DTNBP1: variants seen among roughly 807,000 people sequenced by gnomAD.
The protein encoded by DTNBP1 is dysbindin.
DTNBP1 carries 35 observed loss-of-function variants against 42.8 expected under a neutral mutation model. The ratio of observed to expected loss-of-function variants is 0.82; its 90% CI spans 0.63 to 1.09. The LOEUF (loss-of-function observed/expected upper bound fraction) is 1.09, where lower values mean the gene tolerates loss of function less well. Among genes scored for constraint, DTNBP1 ranks in the 50% least tolerant of loss-of-function variants. The pLI, the probability that DTNBP1 is intolerant of heterozygous loss-of-function variation, is 0.00. For missense variants in DTNBP1, 457 were observed against 424.2 expected (o/e 1.08, Z -0.68); for synonymous variants, 171 against 162.2 (o/e 1.05, Z -0.41).
chr6:15,630,312 C>T (rs2113748346), intron 4 of DTNBP1, among the ~76,000 whole-genome samples: 1 of 152,320 alleles, frequency 6.6e-6, no homozygotes, highest in East Asian at 1.9e-4. Flanking sequence ...GCCATGTTAT[C>T]TGCCCAAGGT....
intron 6 of DTNBP1, among the ~76,000 whole-genome samples, chr6:15,609,181 T>TA (rs1361457707): frequency 1.3e-5 from 2 of 151,730 alleles, no homozygotes; most frequent in Non-Finnish European, 2.9e-5. Flanking sequence ...TTTTTTTTTT[T>TA]AATACTTTTA....
intron 7 of DTNBP1, chr6:15,548,438 GACACACACACACACACACACACAC>G (rs3045754): frequency 7.3e-6 from 1 of 136,708 alleles, no homozygotes; most frequent in African/African-American, 2.8e-5. Flanking sequence ...AACACACACA[GACACACACACACACACACACACAC>G]ACACACACAC....
At chr6:15,617,539 C>T (rs909810432) in intron 5 of DTNBP1, among the ~76,000 whole-genome samples, 1 of 151,804 alleles carries the variant, frequency 6.6e-6, no homozygotes, top group Non-Finnish European at 1.5e-5. Flanking sequence ...TGGAACAGAA[C>T]AGAGAACCCA....
At chr6:15,637,881 T>C in intron 3 of DTNBP1, 77 bp from the exon 4 acceptor site, 1 of 1,423,820 alleles carries the variant, frequency 7.0e-7, no homozygotes, top group Admixed American at 1.7e-5. Context: ...GAATGTGGAA[T>C]ATCCTGTGGT....
intron 6 of DTNBP1, among the ~76,000 whole-genome samples, chr6:15,608,666 C>T (rs910209851): frequency 6.6e-5 from 10 of 152,226 alleles, no homozygotes; most frequent in Admixed American, 2.0e-4. Context: ...AAAGTGTCCA[C>T]ATCCACCACA....
chr6:15,592,587 C>T (rs774565952), intron 7 of DTNBP1, among the ~76,000 whole-genome samples: 1 of 152,134 alleles, frequency 6.6e-6, no homozygotes, highest in Non-Finnish European at 1.5e-5. Context: ...TCTAATTTTA[C>T]AGATGGAGAG....
chr6:15,661,516 G>GGCGCC (rs767020485), intron 1 of DTNBP1, among the ~76,000 whole-genome samples: 14 of 151,924 alleles, frequency 9.2e-5, no homozygotes, highest in Admixed American at 2.6e-4. Flanking sequence ...AAATAAGCCG[G>GGCGCC]GCGCCTCTAG....
intron 3 of DTNBP1, among the ~76,000 whole-genome samples, chr6:15,642,258 C>A (rs1321484711): frequency 1.3e-5 from 2 of 152,292 alleles, no homozygotes; most frequent in South Asian, 4.1e-4. Flanking sequence ...ACCCGCAACC[C>A]GCAGCCAGGA....
chr6:15,579,233 T>C (rs949270283), intron 7 of DTNBP1, among the ~76,000 whole-genome samples: 2 of 152,184 alleles, frequency 1.3e-5, no homozygotes, highest in Admixed American at 1.3e-4. Flanking sequence ...AACAAAATCC[T>C]ATCATTTTCA....
chr6:15,605,990 G>C (rs916975978), intron 6 of DTNBP1, among the ~76,000 whole-genome samples: 1 of 152,180 alleles, frequency 6.6e-6, no homozygotes, highest in African/African-American at 2.4e-5. Context: ...GCAATTTATG[G>C]GTATTTTCCC....
At chr6:15,566,621 A>G (rs971355868) in intron 7 of DTNBP1, among the ~76,000 whole-genome samples, 5 of 151,890 alleles carry the variant, frequency 3.3e-5, no homozygotes, top group Non-Finnish European at 7.4e-5. Flanking sequence ...TTATCCCAAA[A>G]TATGTTTCTT....
At chr6:15,569,594 C>T (rs1775255457) in intron 7 of DTNBP1, among the ~76,000 whole-genome samples, 1 of 152,166 alleles carries the variant, frequency 6.6e-6, no homozygotes, top group Non-Finnish European at 1.5e-5. Flanking sequence ...GCCTTGGTGT[C>T]AGTGTAGTGA....
intron 1 of DTNBP1, chr6:15,660,390 A>C (rs1761535330): frequency 9.3e-6 from 12 of 1,289,836 alleles, no homozygotes; most frequent in Non-Finnish European, 1.2e-5. Context: ...GACCTGAAGA[A>C]AGTGAACATC....
chr6:15,651,358 A>G lies in DTNBP1; in HGVS notation c.116T>C (p.Val39Ala), dbSNP rs1449938817. ...EAKVKSKPRT[V>A]PFLPKYSAGL... ...AGCAGAGTACTTTGGCAAAAATGGA[A>G]CAGTCCTGCCCAAAAGAAACACTTA... Residue 39 changes from valine to alanine, a missense_variant, in exon 3 of 10, where the codon GTT becomes GCT. Physicochemically the swap from Val to Ala is moderately conservative, Grantham distance 64. Transcript: ENST00000344537. 1 of 1,611,970 alleles carries G rather than the reference A, an allele frequency of 6.2e-7. No homozygotes were observed. Among genetic ancestry groups the G allele is most frequent in the Non-Finnish European group, 8.5e-7 (1 of 1,179,740 alleles).
At chr6:15,566,326 A>AG (rs1465360632) in intron 7 of DTNBP1, among the ~76,000 whole-genome samples, 1 of 151,836 alleles carries the variant, frequency 6.6e-6, no homozygotes, top group East Asian at 1.9e-4. Flanking sequence ...AAAAAAAAAA[A>AG]AAAAAAAAAA....
chr6:15,627,866 AATT>A (rs374068669), intron 4 of DTNBP1, among the ~76,000 whole-genome samples: 178 of 152,206 alleles, frequency 1.2e-3, no homozygotes, highest in African/African-American at 4.0e-3. Context: ...ATTAACGGGT[AATT>A]ATTGGCTTTA....
At position 15,570,433 on chromosome 6, in the gene DTNBP1, C is replaced by T. The variant is rs374396036; in HGVS notation, c.511+22626G>A. ...CTCTGAGTTCTCCAAAAGCCCACAC[C>T]TCTGTTCAACTTTGAAACTTTCAGA... On this transcript the variant is annotated intron_variant, in intron 7 of 9. Coordinates refer to ENST00000344537, the MANE Select transcript of DTNBP1 (RefSeq NM_032122.5). Among the ~76,000 whole-genome samples, 7 of 152,338 alleles carry T rather than the reference C, an allele frequency of 4.6e-5. No homozygotes were observed. In the East Asian group the frequency reaches 1.2e-3, roughly 25 times the overall value.
chr6:15,661,794 T>A (rs955725817), intron 1 of DTNBP1, among the ~76,000 whole-genome samples: 2 of 152,200 alleles, frequency 1.3e-5, no homozygotes, highest in African/African-American at 4.8e-5. Context: ...AATGAAAAAA[T>A]TAAAATTAAG....
At chr6:15,618,074 C>A (rs922220420) in intron 5 of DTNBP1, among the ~76,000 whole-genome samples, 15 of 152,018 alleles carry the variant, frequency 9.9e-5, no homozygotes, top group Non-Finnish European at 2.1e-4. Flanking sequence ...TTCAGAGGAA[C>A]CTCCATACTA....
Sources: allele counts gnomAD v4.1 joint callset (sites outside exome capture counted in the v4.1 genomes callset), GRCh38; gene constraint gnomAD v4.1.1; transcripts MANE v1.5; gene names NCBI Gene and HGNC (gene_info 2026-07-23, HGNC 2026-07-21).